CHD9: variants seen among roughly 807,000 people sequenced by gnomAD.
The protein encoded by CHD9 is ATP-dependent chromatin remodeler CHD9.
A neutral mutation model predicts 316.1 loss-of-function variants in CHD9; 77 were observed. That is an observed-to-expected ratio of 0.24 (90% CI 0.20 to 0.29). The LOEUF is 0.29. CHD9 is among the 10% of genes least tolerant of loss of function. The probability of loss-of-function intolerance (pLI) is 1.00; values close to 1 mark genes in which losing one functional copy is unlikely to be tolerated. For synonymous variants in CHD9, 1,129 were observed against 1,158.3 expected (o/e 0.97, Z 0.51); for missense variants, 2,763 against 3,438.1 (o/e 0.80, Z 4.91).
chr16:53,072,172 A>G (rs2034121427), intron 1 of CHD9, among the ~76,000 whole-genome samples: 1 of 151,898 alleles, frequency 6.6e-6, no homozygotes. Flanking sequence ...CCCCAGCCGG[A>G]AGCCCCCCTC....
intron 1 of CHD9, among the ~76,000 whole-genome samples, chr16:53,086,356 G>A (rs774273914): frequency 2.0e-5 from 3 of 152,286 alleles, no homozygotes; most frequent in African/African-American, 2.4e-5. Flanking sequence ...GGTCTGTGCC[G>A]CACCAATTAT....
intron 1 of CHD9, among the ~76,000 whole-genome samples, chr16:53,135,901 T>C (rs924112226): frequency 5.3e-5 from 8 of 152,174 alleles, no homozygotes; most frequent in African/African-American, 1.9e-4. Context: ...TATGAAAATT[T>C]GAGAGAAATA....
chr16:53,084,970 G>C (rs1382177339), intron 1 of CHD9, among the ~76,000 whole-genome samples: 1 of 152,162 alleles, frequency 6.6e-6, no homozygotes, highest in African/African-American at 2.4e-5. Context: ...GGGTAAACTT[G>C]GACTGCTAGA....
At chr16:53,151,682 A>T (rs138662426) in intron 1 of CHD9, among the ~76,000 whole-genome samples, 28 of 152,324 alleles carry the variant, frequency 1.8e-4, no homozygotes, top group Non-Finnish European at 2.8e-4. Flanking sequence ...GAACAACGAT[A>T]ATGAATTTTT....
intron 2 of CHD9, among the ~76,000 whole-genome samples, chr16:53,192,633 C>T (rs944261159): frequency 2.6e-5 from 4 of 152,168 alleles, no homozygotes; most frequent in East Asian, 1.9e-4. Context: ...CCCTCATTCC[C>T]GTTTGCACTC....
chr16:53,318,427 T>A, intron 37 of CHD9, 87 bp downstream of exon 37: 1 of 1,023,218 alleles, frequency 9.8e-7, no homozygotes, highest in African/African-American at 1.6e-5. Context: ...TGGTGGTGTT[T>A]TCTAACAGAC....
At chr16:53,072,851 C>T (rs1174359905) in intron 1 of CHD9, among the ~76,000 whole-genome samples, 2 of 151,950 alleles carry the variant, frequency 1.3e-5, no homozygotes, top group African/African-American at 2.4e-5. Context: ...CCTGCCACCA[C>T]GCCCAGCTAA....
At chr16:53,123,155 G>A (rs1246875819) in intron 1 of CHD9, among the ~76,000 whole-genome samples, 6 of 147,056 alleles carry the variant, frequency 4.1e-5, no homozygotes, top group African/African-American at 1.3e-4. Flanking sequence ...GAGCCACCAC[G>A]CCCGGCCTGG....
chr16:53,274,414 G>A (rs773324477), intron 24 of CHD9, 112 bp downstream of exon 24: 8 of 549,664 alleles, frequency 1.5e-5, no homozygotes, highest in Admixed American at 3.6e-5. Context: ...GGCTCGCACT[G>A]TAGGCACACC....
chr16:53,076,446 G>A (rs1310890661), intron 1 of CHD9, among the ~76,000 whole-genome samples: 1 of 151,958 alleles, frequency 6.6e-6, no homozygotes, highest in Admixed American at 6.6e-5. Context: ...ATGGTGGCAG[G>A]CGCCTATAAT....
intron 3 of CHD9, among the ~76,000 whole-genome samples, chr16:53,219,141 G>A (rs1485693447): frequency 2.0e-5 from 3 of 152,112 alleles, no homozygotes; most frequent in East Asian, 1.9e-4. Context: ...GTACTCTTAC[G>A]TTTGCACTTT....
intron 16 of CHD9, among the ~76,000 whole-genome samples, chr16:53,248,480 A>AT (rs2049840778): frequency 7.7e-6 from 1 of 130,146 alleles, no homozygotes; most frequent in South Asian, 2.4e-4. Context: ...TAGATTTTTT[A>AT]TTTTATTTTT....
At chr16:53,209,229 C>G (rs561337174) in intron 2 of CHD9, among the ~76,000 whole-genome samples, 56 of 152,206 alleles carry the variant, frequency 3.7e-4, no homozygotes, top group African/African-American at 9.4e-4. Context: ...ATCAACTAAC[C>G]AAGAATGCTA....
At chr16:53,063,133 A>G (rs1286138302) in intron 1 of CHD9, among the ~76,000 whole-genome samples, 1 of 152,176 alleles carries the variant, frequency 6.6e-6, no homozygotes, top group African/African-American at 2.4e-5. Flanking sequence ...AGCACTTTCC[A>G]TGCGTCATTC....
chr16:53,072,867 G>T (rs1259426034), intron 1 of CHD9, among the ~76,000 whole-genome samples: 2 of 151,658 alleles, frequency 1.3e-5, no homozygotes, highest in Non-Finnish European at 2.9e-5. Context: ...GCTAATTTTT[G>T]TATTTTTAGT....
intron 34 of CHD9, chr16:53,312,020 AT>A (rs1470700201): frequency 4.6e-5 from 7 of 152,366 alleles, no homozygotes; most frequent in Non-Finnish European, 1.0e-4. Context: ...TCTGGCTTAA[AT>A]GAATTGCTAA....
At position 53,189,536 on chromosome 16, in the gene CHD9, A is replaced by C. The variant is rs138012206; in HGVS notation, c.1453-19946A>C. 3.9e-3 allele frequency among the ~76,000 whole-genome samples: 585 copies of C among 151,410 alleles called. 2 individuals carry two copies. Among genetic ancestry groups the C allele is most frequent in the Non-Finnish European group, 4.9e-3 (334 of 67,796 alleles). On this transcript the variant is annotated intron_variant, in intron 2 of 38. Transcript: ENST00000447540. ...GTCGATGGTATGTATCTCTCTCTCT[A>C]TATATATATGTATTATATATATTTT... is the stretch of plus-strand genomic sequence containing the variant.
intron 1 of CHD9, among the ~76,000 whole-genome samples, chr16:53,142,982 C>T (rs2040242621): frequency 6.6e-6 from 1 of 152,144 alleles, no homozygotes. Flanking sequence ...AGCAGAGGGG[C>T]AAGAGAGCAA....
At chr16:53,294,322 A>G (rs2054602564) in intron 29 of CHD9, among the ~76,000 whole-genome samples, 1 of 152,250 alleles carries the variant, frequency 6.6e-6, no homozygotes. Flanking sequence ...CATAAAATTT[A>G]GTCTGACACT....
Sources: gnomAD v4.1 joint callset for allele counts (sites outside exome capture counted in the v4.1 genomes callset) on GRCh38, gnomAD v4.1.1 for gene constraint, MANE v1.5 for transcripts, NCBI Gene and HGNC (gene_info 2026-07-23, HGNC 2026-07-21) for gene names.